Variants in PDE1C observed in about 807,000 individuals in gnomAD.
PDE1C encodes the protein phosphodiesterase 1C, also known as dual specificity calcium/calmodulin-dependent 3',5'-cyclic nucleotide phosphodiesterase 1C.
Under a neutral mutation model 93.1 loss-of-function variants are expected in PDE1C, and 62 were observed. The ratio of observed to expected loss-of-function variants is 0.67; its 90% CI spans 0.54 to 0.82. PDE1C has a LOEUF of 0.82. Among genes scored for constraint, PDE1C ranks in the 40% least tolerant of loss-of-function variants. The pLI, the probability that PDE1C is intolerant of heterozygous loss-of-function variation, is 0.00. For missense variants in PDE1C, 742 were observed against 884.6 expected (o/e 0.84, Z 2.04); for synonymous variants, 325 against 310.1 (o/e 1.05, Z -0.50).
intron 3 of PDE1C, among the ~76,000 whole-genome samples, chr7:32,081,926 G>C (rs1166203699): frequency 1.3e-5 from 2 of 152,200 alleles, no homozygotes; most frequent in East Asian, 1.9e-4. Context: ...AGCTCCCAGA[G>C]TGAGCGACGC....
At chr7:31,656,216 A>T in the PDE1C span, 1 of 197,004 alleles carries the variant, frequency 5.1e-6, no homozygotes. Flanking sequence ...ACTTAAAGCT[A>T]TTTGAGGACT....
intron 3 of PDE1C, among the ~76,000 whole-genome samples, chr7:32,159,151 C>A (rs929766895): frequency 6.6e-6 from 1 of 152,160 alleles, no homozygotes; most frequent in Admixed American, 6.6e-5. Context: ...CTGCAGTGGT[C>A]TGACTCACCT....
intron 2 of PDE1C, among the ~76,000 whole-genome samples, chr7:31,949,384 T>A (rs1200033496): frequency 4.6e-5 from 7 of 152,124 alleles, no homozygotes; most frequent in Non-Finnish European, 8.8e-5. Flanking sequence ...CACTTGAACC[T>A]GGGAGGTGAA....
intron 1 of PDE1C, among the ~76,000 whole-genome samples, chr7:32,401,562 A>AATG (rs1254311459): frequency 2.0e-5 from 3 of 151,372 alleles, no homozygotes; most frequent in Non-Finnish European, 4.4e-5. Context: ...AGAAAGAAAG[A>AATG]AAAAAAATAG....
At chr7:32,281,046 A>C (rs1811596681) in intron 1 of PDE1C, among the ~76,000 whole-genome samples, 1 of 152,212 alleles carries the variant, frequency 6.6e-6, no homozygotes, top group African/African-American at 2.4e-5. Context: ...ATGTGTGTGT[A>C]ACATTAGTAT....
In PDE1C at chr7:32,249,611, A is replaced by G. The variant is rs538926114; in HGVS notation, c.86-40072T>C. Reference sequence around the variant, plus strand: ...GAGCCATCCCACCACACTGGCGACTATTTTTGTCAATTCTTCTTTGGACTG... The same window carrying G: ...GAGCCATCCCACCACACTGGCGACTGTTTTTGTCAATTCTTCTTTGGACTG... On this transcript the variant is annotated intron_variant, in intron 1 of 18. Transcript: ENST00000396193. 1.5e-4 allele frequency among the ~76,000 whole-genome samples: 23 copies of G among 152,276 alleles called. No individual in the cohort carries two copies. In the South Asian group the frequency reaches 4.3e-3, roughly 29 times the overall value.
intron 2 of PDE1C, among the ~76,000 whole-genome samples, chr7:32,179,046 G>C (rs575906240): frequency 1.3e-5 from 2 of 152,264 alleles, no homozygotes; most frequent in South Asian, 2.1e-4. Flanking sequence ...CTAGATTACA[G>C]AGTTAGAAAA....
intron 5 of PDE1C, 62 bp from the exon 6 acceptor site, chr7:31,873,470 CT>C: frequency 1.0e-6 from 1 of 981,852 alleles, no homozygotes; most frequent in East Asian, 2.4e-5. Context: ...ACCTACCAGT[CT>C]CCTCACTTTC....
chr7:31,825,470 A>C (rs1023488043), intron 12 of PDE1C, among the ~76,000 whole-genome samples: 1 of 152,124 alleles, frequency 6.6e-6, no homozygotes, highest in African/African-American at 2.4e-5. Context: ...AAGCTTGGGA[A>C]GGCAGGTTAT....
At chr7:31,939,915 C>T (rs1052778574) in intron 2 of PDE1C, among the ~76,000 whole-genome samples, 1 of 152,082 alleles carries the variant, frequency 6.6e-6, no homozygotes, top group Non-Finnish European at 1.5e-5. Flanking sequence ...TTTGGCTGCC[C>T]ACAGCCTGGA....
chr7:32,085,743 A>T (rs1172612971), intron 3 of PDE1C, among the ~76,000 whole-genome samples: 1 of 151,900 alleles, frequency 6.6e-6, no homozygotes, highest in Non-Finnish European at 1.5e-5. Flanking sequence ...ACAGAACCAA[A>T]GACAAAAACC....
chr7:31,742,533 T>C, the PDE1C span, among the ~76,000 whole-genome samples: 1 of 152,164 alleles, frequency 6.6e-6, no homozygotes, highest in South Asian at 2.1e-4. Context: ...AAGGAGACCC[T>C]ATCTCTAAAA....
chr7:31,633,355 A>G, the PDE1C span, among the ~76,000 whole-genome samples: 3 of 152,218 alleles, frequency 2.0e-5, no homozygotes, highest in South Asian at 2.1e-4. Context: ...CCTAAAACGT[A>G]TGATGCTCTC....
At chr7:32,006,120 A>C (rs2128572945) in intron 2 of PDE1C, among the ~76,000 whole-genome samples, 1 of 152,348 alleles carries the variant, frequency 6.6e-6, no homozygotes, top group Middle Eastern at 3.4e-3. Flanking sequence ...CAAACAGGTA[A>C]GAAAAGACAC....
At chr7:32,173,341 A>G (rs913823294) in intron 2 of PDE1C, among the ~76,000 whole-genome samples, 4 of 151,978 alleles carry the variant, frequency 2.6e-5, no homozygotes, top group African/African-American at 9.7e-5. Flanking sequence ...GAGGAGAACA[A>G]CACACACCAG....
rs543553592 is a variant in PDE1C, at chr7:31,883,098, C to T, written c.129-2238G>A. 7.4e-4 allele frequency among the ~76,000 whole-genome samples: 112 copies of T among 152,190 alleles called. 2 individuals carry two copies. The highest frequency in any genetic ancestry group is 2.6e-3 in the African/African-American group (107 of 41,552). ...GGCCATCTACTTCTATCATGTCAAA[C>T]ATCAAAAAGCAATTTAATAACAGTA... On this transcript the variant is annotated intron_variant, in intron 2 of 17. Transcript: ENST00000396191.
chr7:32,255,916 T>A (rs1384826829), intron 1 of PDE1C, among the ~76,000 whole-genome samples: 2 of 152,118 alleles, frequency 1.3e-5, no homozygotes, highest in Non-Finnish European at 2.9e-5. Context: ...AGAGGACACA[T>A]CGAATGTCTA....
intron 9 of PDE1C, among the ~76,000 whole-genome samples, chr7:31,840,959 G>A (rs1255700597): frequency 6.6e-6 from 1 of 152,000 alleles, no homozygotes; most frequent in Non-Finnish European, 1.5e-5. Context: ...GATTGGAATT[G>A]TATTGAAACA....
At chr7:31,956,839 T>C (rs948721972) in intron 2 of PDE1C, among the ~76,000 whole-genome samples, 5 of 152,116 alleles carry the variant, frequency 3.3e-5, no homozygotes, top group African/African-American at 9.7e-5. Flanking sequence ...GTTAAAATCA[T>C]GGGCAGAGAA....
Sources: gnomAD v4.1 joint callset for allele counts (sites outside exome capture counted in the v4.1 genomes callset) on GRCh38, gnomAD v4.1.1 for gene constraint, MANE v1.5 for transcripts, NCBI Gene and HGNC (gene_info 2026-07-23, HGNC 2026-07-21) for gene names.